The following RAP1GAP2 variants were observed in gnomAD, a reference collection of about 807,000 sequenced individuals.
RAP1GAP2 encodes the protein rap1 GTPase-activating protein 2.
Under a neutral mutation model 95.0 loss-of-function variants are expected in RAP1GAP2, and 27 were observed. The observed-to-expected ratio is 0.28, with a 90% CI of 0.21 to 0.39. RAP1GAP2 has a LOEUF of 0.39. Ranked by LOEUF, RAP1GAP2 falls within the 10% of genes least tolerant of loss-of-function variation. The pLI is 1.00. For missense variants in RAP1GAP2, 771 were observed against 970.0 expected (o/e 0.79, Z 2.72); for synonymous variants, 373 against 380.9 (o/e 0.98, Z 0.24).
At chr17:2,947,452 G>A (rs1054266854) in intron 3 of RAP1GAP2, among the ~76,000 whole-genome samples, 14 of 152,114 alleles carry the variant, frequency 9.2e-5, no homozygotes, top group Non-Finnish European at 1.3e-4. Flanking sequence ...CAACAAGCCC[G>A]CCCTGGCCAC....
chr17:2,852,799 G>T (rs1474794530), intron 2 of RAP1GAP2, among the ~76,000 whole-genome samples: 1 of 152,130 alleles, frequency 6.6e-6, no homozygotes, highest in Non-Finnish European at 1.5e-5. Flanking sequence ...ACCTGGAAGT[G>T]GATGAGGGCG....
intron 18 of RAP1GAP2, among the ~76,000 whole-genome samples, chr17:3,019,057 C>CA (rs1445670482): frequency 2.0e-5 from 3 of 150,198 alleles, no homozygotes; most frequent in East Asian, 2.0e-4. Flanking sequence ...GAGACTGTCT[C>CA]AAAAAAACAA....
chr17:2,995,597 A>G, intron 13 of RAP1GAP2, 131 bp downstream of exon 13: 2 of 1,281,068 alleles, frequency 1.6e-6, no homozygotes, highest in South Asian at 1.4e-5. Flanking sequence ...TCAGCTGCGC[A>G]GCAGCGTCAC....
chr17:2,766,887 G>A (rs1302326024), intron 1 of RAP1GAP2, among the ~76,000 whole-genome samples: 1 of 152,080 alleles, frequency 6.6e-6, no homozygotes, highest in Non-Finnish European at 1.5e-5. Context: ...TTAGAGCTCA[G>A]CTCAAACTGC....
At position 2,903,748 on chromosome 17, in the gene RAP1GAP2, G is replaced by A. The variant is rs1345363364; in HGVS notation, c.81-1536G>A. On this transcript the variant is annotated intron_variant, in intron 2 of 24. Transcript: ENST00000254695. The surrounding 1 kb of genome is among the most constrained non-coding windows in gnomAD (Gnocchi z 4.1). Reference sequence around the variant, plus strand: ...GGCCCCTGATGTGGCTCCCTAGTTGGCCACAGGGAGGGCTGGCTGGTCAAC... The same window carrying A: ...GGCCCCTGATGTGGCTCCCTAGTTGACCACAGGGAGGGCTGGCTGGTCAAC... Among the ~76,000 whole-genome samples, 1 of 83,080 alleles carries A rather than the reference G, an allele frequency of 1.2e-5. No homozygotes were observed. The highest frequency in any genetic ancestry group is 3.0e-5 in the Non-Finnish European group (1 of 33,160). The allele number at this position is 83,080 out of a possible 152,430, so 54.5% of individuals were successfully genotyped here.
chr17:2,765,005 A>G (rs1278947888), intron 1 of RAP1GAP2, among the ~76,000 whole-genome samples: 1 of 152,130 alleles, frequency 6.6e-6, no homozygotes, highest in Non-Finnish European at 1.5e-5. Flanking sequence ...GATGGGATTA[A>G]TCAGGGTGGG....
intron 17 of RAP1GAP2, among the ~76,000 whole-genome samples, chr17:3,011,225 G>A (rs930416177): frequency 2.0e-5 from 3 of 152,164 alleles, no homozygotes; most frequent in African/African-American, 7.2e-5. Flanking sequence ...ACCGCGCCCG[G>A]CCATTTGTGA....
rs1482421268 is a variant in RAP1GAP2 at position 2,965,083 on chromosome 17, T to C, written c.493-457T>C. ...GGGTGGAGGTGCCAGGGTTCCTCCTTGCTGTCTTGCCCCAGATAGTGTGAA... is the reference window on the plus strand; with the variant it reads ...GGGTGGAGGTGCCAGGGTTCCTCCTCGCTGTCTTGCCCCAGATAGTGTGAA... On this transcript the variant is annotated intron_variant, in intron 7 of 24. Coordinates refer to ENST00000254695, the MANE Select transcript of RAP1GAP2 (RefSeq NM_015085.5). The surrounding 1 kb of genome is among the most constrained non-coding windows in gnomAD (Gnocchi z 4.7). The C allele has an allele frequency of 6.2e-6, 1 of 161,036 alleles. No individual in the cohort carries two copies. Among genetic ancestry groups the C allele is most frequent in the East Asian group, 1.8e-4 (1 of 5,576 alleles). 10.0% of individuals were successfully genotyped at this position (161,036 alleles called of 1,614,324 possible).
chr17:2,846,220 C>A (rs1286196295), intron 2 of RAP1GAP2, among the ~76,000 whole-genome samples: 3 of 151,758 alleles, frequency 2.0e-5, no homozygotes, highest in Admixed American at 2.0e-4. Context: ...TCAATGGAAT[C>A]CCGTTGAAGC....
At chr17:2,949,830 A>G (rs539479977) in intron 3 of RAP1GAP2, among the ~76,000 whole-genome samples, 3 of 152,298 alleles carry the variant, frequency 2.0e-5, no homozygotes, top group Non-Finnish European at 2.9e-5. Flanking sequence ...CTCCCTGCCA[A>G]CTGTCCCATT....
intron 1 of RAP1GAP2, among the ~76,000 whole-genome samples, chr17:2,777,512 G>A (rs1262211385): frequency 6.6e-6 from 1 of 152,162 alleles, no homozygotes; most frequent in East Asian, 1.9e-4. Context: ...GGGTGTGGGG[G>A]TGCCGGCCCT....
upstream of RAP1GAP2, among the ~76,000 whole-genome samples, chr17:2,794,286 T>G (rs2069007963): frequency 6.6e-6 from 1 of 152,052 alleles, no homozygotes; most frequent in Admixed American, 6.6e-5. Context: ...ACCAGTCCCC[T>G]TGGCTGGCCA....
intron 1 of RAP1GAP2, among the ~76,000 whole-genome samples, chr17:2,785,413 A>G (rs2068748980): frequency 6.6e-6 from 1 of 152,064 alleles, no homozygotes; most frequent in African/African-American, 2.4e-5. Flanking sequence ...AAAAAAAAAA[A>G]AGTAAGATAA....
At position 2,804,618 on chromosome 17, in the gene RAP1GAP2, C is replaced by T. The variant is rs566650990; in HGVS notation, c.80+4068C>T. 4.2e-4 allele frequency among the ~76,000 whole-genome samples: 64 copies of T among 152,318 alleles called. 1 individual carries two copies. Among genetic ancestry groups the T allele is most frequent in the Middle Eastern group, 6.8e-3 (2 of 294 alleles). The stretch of plus-strand genomic sequence containing the variant: ...TCCACGACACCGTGGGTGAGAAGGC[C>T]GCCCCTGGTTTGCTGGGGCCCATCC... On this transcript the variant is annotated intron_variant, in intron 2 of 24. Transcript: ENST00000254695.
chr17:2,976,255 G>T (rs2045113411), intron 8 of RAP1GAP2, among the ~76,000 whole-genome samples: 1 of 152,190 alleles, frequency 6.6e-6, no homozygotes, highest in Admixed American at 6.5e-5. Flanking sequence ...ATGTATTCTT[G>T]CTCTTAGCAA....
intron 1 of RAP1GAP2, among the ~76,000 whole-genome samples, chr17:2,778,873 T>C (rs12936006): frequency 0.4 from 60,251 of 152,076 alleles, 12,368 homozygotes; most frequent in East Asian, 0.63. Flanking sequence ...GGCGGTGTTC[T>C]GAGGAGCCTT....
chr17:2,779,607 G>A (rs554472303), intron 1 of RAP1GAP2, among the ~76,000 whole-genome samples: 6 of 152,184 alleles, frequency 3.9e-5, no homozygotes, highest in African/African-American at 1.4e-4. Context: ...CTCTTCCTGG[G>A]CTCTGCCTCA....
chr17:2,943,488 C>T (rs1215848500), intron 3 of RAP1GAP2, among the ~76,000 whole-genome samples: 1 of 151,774 alleles, frequency 6.6e-6, no homozygotes, highest in Non-Finnish European at 1.5e-5. Context: ...GGCTGGCCAA[C>T]ATGGTGAAAT....
chr17:2,890,467 C>T lies in RAP1GAP2; in HGVS notation c.81-14817C>T, dbSNP rs80007480. 9.9e-5 allele frequency among the ~76,000 whole-genome samples: 15 copies of T among 152,016 alleles called. No homozygotes were observed. The South Asian group carries it at 1.0e-3, about 11-fold the overall frequency. On this transcript the variant is annotated intron_variant, in intron 2 of 24. Transcript: ENST00000254695. ...TGGAGCAGTGGCTTAGCTGGAAGGC[C>T]GGTTGGCTCTGTGATAGGGAAACTT...
Sources: gnomAD v4.1 joint callset for allele counts (sites outside exome capture counted in the v4.1 genomes callset) on GRCh38, gnomAD v4.1.1 for gene constraint, Gnocchi (gnomAD v3.1) non-coding constraint, MANE v1.5 for transcripts, NCBI Gene and HGNC (gene_info 2026-07-23, HGNC 2026-07-21) for gene names.